The following CAMSAP1 variants were observed in gnomAD, a reference collection of about 807,000 sequenced individuals.
The protein encoded by CAMSAP1 is calmodulin-regulated spectrin-associated protein 1.
In CAMSAP1, 58 loss-of-function variants were observed where a neutral mutation model predicts 143.5. The ratio of observed to expected loss-of-function variants is 0.40; its 90% CI spans 0.33 to 0.50. The LOEUF is 0.50. Ranked by LOEUF, CAMSAP1 falls within the 20% of genes least tolerant of loss-of-function variation. The pLI, the probability that CAMSAP1 is intolerant of heterozygous loss-of-function variation, is 0.45. For missense variants in CAMSAP1, 1,969 were observed against 2,115.7 expected, an observed-to-expected ratio of 0.93 and a Z score of 1.36; for synonymous variants, 945 against 859.3, an observed-to-expected ratio of 1.10 and a Z score of -1.74.
At chr9:135,892,867 A>AAAAAAAAAG (rs1554800261) in intron 1 of CAMSAP1, among the ~76,000 whole-genome samples, 7 of 147,832 alleles carry the variant, frequency 4.7e-5, no homozygotes, top group African/African-American at 1.8e-4. Context: ...AAAAAAAAAA[A>AAAAAAAAAG]GAACTAATCA....
chr9:135,856,947 C>T (rs374996369), intron 5 of CAMSAP1, among the ~76,000 whole-genome samples: 1 of 152,222 alleles, frequency 6.6e-6, no homozygotes, highest in Admixed American at 6.5e-5. Flanking sequence ...GGATGGTGTG[C>T]GTGCACACAC....
intron 1 of CAMSAP1, among the ~76,000 whole-genome samples, chr9:135,888,213 T>G (rs887331245): frequency 6.6e-6 from 1 of 152,248 alleles, no homozygotes; most frequent in African/African-American, 2.4e-5. Context: ...CTGCGCCAGC[T>G]GAGCATAAGC....
intron 7 of CAMSAP1, among the ~76,000 whole-genome samples, chr9:135,842,147 GA>G (rs752774834): frequency 6.6e-6 from 1 of 152,166 alleles, no homozygotes; most frequent in Non-Finnish European, 1.5e-5. Context: ...GCTTAGAGAA[GA>G]ACACAAATGA....
At chr9:135,855,230 G>A (rs926042126) in intron 5 of CAMSAP1, among the ~76,000 whole-genome samples, 3 of 152,002 alleles carry the variant, frequency 2.0e-5, no homozygotes, top group African/African-American at 7.2e-5. Context: ...GACCTCTGGT[G>A]ATCCACCCAC....
intron 5 of CAMSAP1, among the ~76,000 whole-genome samples, chr9:135,852,922 G>A (rs530410326): frequency 1.3e-5 from 2 of 152,306 alleles, no homozygotes; most frequent in South Asian, 2.1e-4. Context: ...TGGGGCAAAC[G>A]CTGACAAAAT....
chr9:135,812,481 G>C (rs1835085475), intron 16 of CAMSAP1, among the ~76,000 whole-genome samples: 1 of 152,148 alleles, frequency 6.6e-6, no homozygotes, highest in Non-Finnish European at 1.5e-5. Context: ...AGACAGACTG[G>C]CGACCGCCAA....
Position 135,850,182 on chromosome 9 carries a change from T to G in CAMSAP1, c.1000A>C (p.Lys334Gln). 6.2e-7 allele frequency: 1 copy of G among 1,612,606 alleles called. No individual in the cohort carries two copies. Among genetic ancestry groups the G allele is most frequent in the Non-Finnish European group, 8.5e-7 (1 of 1,179,360 alleles). ...TCCCTGGGCTGAACAAAATCTGGCTTGACATTCTCGAACCACCAAAAAAGC... is the reference window on the plus strand; with the variant it reads ...TCCCTGGGCTGAACAAAATCTGGCTGGACATTCTCGAACCACCAAAAAAGC... ...AELFWWFENV[K>Q]PDFVQPRDVQ... is the part of the protein sequence containing the mutation. The change falls in exon 7 of 17, where the codon AAG (lysine) becomes CAG (glutamine). Residue 334 changes from lysine to glutamine, a missense_variant. Coordinates refer to ENST00000389532, the MANE Select transcript of CAMSAP1 (RefSeq NM_015447.4).
chr9:135,888,522 C>T (rs974497252), intron 1 of CAMSAP1, among the ~76,000 whole-genome samples: 2 of 152,198 alleles, frequency 1.3e-5, no homozygotes, highest in Non-Finnish European at 2.9e-5. Flanking sequence ...CCAGGCACAG[C>T]CCAGAGACGT....
At chr9:135,815,593 C>G (rs1487479930) in intron 15 of CAMSAP1, among the ~76,000 whole-genome samples, 1 of 152,250 alleles carries the variant, frequency 6.6e-6, no homozygotes, top group African/African-American at 2.4e-5. Flanking sequence ...CCAAGGGCAG[C>G]TGGTGAGAGC....
intron 5 of CAMSAP1, among the ~76,000 whole-genome samples, chr9:135,859,184 C>G (rs570547046): frequency 2.0e-5 from 3 of 152,346 alleles, no homozygotes; most frequent in African/African-American, 7.2e-5. Flanking sequence ...CTGCTGCAGT[C>G]TCACCTGTGG....
chr9:135,834,280 T>G (rs1244319097), intron 7 of CAMSAP1, among the ~76,000 whole-genome samples: 1 of 152,240 alleles, frequency 6.6e-6, no homozygotes, highest in Admixed American at 6.5e-5. Context: ...AATTACCATA[T>G]GATCCAGCAA....
At chr9:135,840,966 C>T (rs1018720379) in intron 7 of CAMSAP1, among the ~76,000 whole-genome samples, 1 of 152,064 alleles carries the variant, frequency 6.6e-6, no homozygotes, top group African/African-American at 2.4e-5. Flanking sequence ...TTTTTTCATA[C>T]CCTAGTGGTG....
intron 1 of CAMSAP1, among the ~76,000 whole-genome samples, chr9:135,904,402 CAA>C (rs34983397): frequency 4.8e-5 from 4 of 84,008 alleles, no homozygotes; most frequent in Admixed American, 1.4e-4. Flanking sequence ...CTGTCCTCCA[CAA>C]AAAAAAAAAA....
At chr9:135,816,323 G>C (rs758406018) in intron 14 of CAMSAP1, among the ~76,000 whole-genome samples, 24 of 152,198 alleles carry the variant, frequency 1.6e-4, no homozygotes, top group Non-Finnish European at 3.2e-4. Context: ...CACAGCACAG[G>C]GCACAGTGCT....
chr9:135,877,505 A>G (rs1232555215), intron 3 of CAMSAP1, among the ~76,000 whole-genome samples: 1 of 151,726 alleles, frequency 6.6e-6, no homozygotes, highest in Non-Finnish European at 1.5e-5. Flanking sequence ...TTAAAAAAAA[A>G]AAAAAAAAGA....
chr9:135,885,264 C>A (rs1313920653), intron 1 of CAMSAP1, among the ~76,000 whole-genome samples: 1 of 152,192 alleles, frequency 6.6e-6, no homozygotes, highest in South Asian at 2.1e-4. Context: ...CAGTCATCCC[C>A]AAATGTACAT....
chr9:135,821,895 G>C lies in CAMSAP1; in HGVS notation c.2766C>G (p.Gly922=), dbSNP rs761199912. ...TGAGGGGTGGGGCAGCCTCGGCCTT[G>C]CCCTTCTTCACCACATGCAGGAATG... ...KAAFLHVVKK[G]KAEAAPPLRP... Residue 922 remains glycine, a synonymous_variant, in exon 11 of 17, where the codon GGC becomes GGG. Transcript: ENST00000389532. The surrounding 1 kb of genome is among the most constrained non-coding windows in gnomAD (Gnocchi z 4.6). 6.2e-7 allele frequency: 1 copy of C among 1,613,966 alleles called. No homozygotes were observed. The highest frequency in any genetic ancestry group is 1.7e-5 in the Admixed American group (1 of 60,022).
chr9:135,866,573 C>A (rs949224459), intron 3 of CAMSAP1, 37 bp from the exon 4 acceptor site: 1 of 946,166 alleles, frequency 1.1e-6, no homozygotes, highest in Middle Eastern at 2.1e-4. Context: ...GAGGTAATTG[C>A]TGTCCCGCAC....
At chr9:135,853,462 T>C (rs1480165963) in intron 5 of CAMSAP1, among the ~76,000 whole-genome samples, 3 of 152,234 alleles carry the variant, frequency 2.0e-5, no homozygotes, top group African/African-American at 7.2e-5. Flanking sequence ...CTGCATTGCC[T>C]TGTTAATATC....
Sources: allele counts gnomAD v4.1 joint callset (sites outside exome capture counted in the v4.1 genomes callset), GRCh38; gene constraint gnomAD v4.1.1; non-coding constraint Gnocchi (gnomAD v3.1); transcripts MANE v1.5; gene names NCBI Gene and HGNC (gene_info 2026-07-23, HGNC 2026-07-21).